ZNF475: variants seen among roughly 807,000 people sequenced by gnomAD.
The protein encoded by ZNF475 is zinc finger protein 475.
chr5:122,164,931 C>G, the ZNF475 span, among the ~76,000 whole-genome samples: 1 of 152,016 alleles, frequency 6.6e-6, no homozygotes, highest in Admixed American at 6.5e-5. Context: ...GAGCTTTGGA[C>G]AAAGCTAAAA....
the ZNF475 span, among the ~76,000 whole-genome samples, chr5:122,181,018 C>T: frequency 6.6e-6 from 1 of 152,082 alleles, no homozygotes; most frequent in Non-Finnish European, 1.5e-5. Context: ...ATCACTTTCT[C>T]TGCTTGACCA....
chr5:122,176,468 TAA>T, the ZNF475 span, among the ~76,000 whole-genome samples: 1 of 152,210 alleles, frequency 6.6e-6, no homozygotes, highest in Non-Finnish European at 1.5e-5. Flanking sequence ...TCTGTATTTA[TAA>T]GTTTTATTTG....
At chr5:122,172,083 A>G in the ZNF475 span, among the ~76,000 whole-genome samples, 3 of 152,154 alleles carry the variant, frequency 2.0e-5, no homozygotes, top group Admixed American at 2.0e-4. Flanking sequence ...CTATGATTTA[A>G]GTGGATTAAT....
chr5:122,176,991 A>G, the ZNF475 span, among the ~76,000 whole-genome samples: 1 of 152,332 alleles, frequency 6.6e-6, no homozygotes, highest in East Asian at 1.9e-4. Flanking sequence ...TAAGAACAAG[A>G]AAACTAAGAA....
chr5:122,179,796 A>G, the ZNF475 span: 1 of 1,164,360 alleles, frequency 8.6e-7, no homozygotes, highest in Non-Finnish European at 1.1e-6. Flanking sequence ...TAATAAGAGC[A>G]GAAGTATTCT....
At chr5:122,173,031 T>G in the ZNF475 span, among the ~76,000 whole-genome samples, 21 of 151,386 alleles carry the variant, frequency 1.4e-4, no homozygotes, top group Admixed American at 1.2e-3. Context: ...AGACTCCGTC[T>G]CAGAAAAAAA....
chr5:122,167,096 T>C, the ZNF475 span, among the ~76,000 whole-genome samples: 1 of 152,130 alleles, frequency 6.6e-6, no homozygotes, highest in Non-Finnish European at 1.5e-5. Flanking sequence ...AATTAATTTT[T>C]GTATAAGGTG....
chr5:122,172,930 G>A, the ZNF475 span, among the ~76,000 whole-genome samples: 1 of 152,074 alleles, frequency 6.6e-6, no homozygotes, highest in Non-Finnish European at 1.5e-5. Flanking sequence ...GTACTCGGGA[G>A]GCTGAGGCAG....
At chr5:122,161,316 A>G in the ZNF475 span, among the ~76,000 whole-genome samples, 1 of 152,220 alleles carries the variant, frequency 6.6e-6, no homozygotes, top group East Asian at 1.9e-4. Flanking sequence ...AAAGTCTCCC[A>G]TGCTGCTCTC....
At chr5:122,169,672 C>G in the ZNF475 span, among the ~76,000 whole-genome samples, 1 of 151,948 alleles carries the variant, frequency 6.6e-6, no homozygotes, top group Non-Finnish European at 1.5e-5. Context: ...AGTCAAGAGG[C>G]GGGGGGTGGA....
At chr5:122,166,674 T>G in the ZNF475 span, among the ~76,000 whole-genome samples, 2 of 152,240 alleles carry the variant, frequency 1.3e-5, no homozygotes, top group Non-Finnish European at 2.9e-5. Flanking sequence ...GAACTCATAC[T>G]TTTTTATGGC....
chr5:122,181,491 T>C, the ZNF475 span, among the ~76,000 whole-genome samples: 1 of 152,198 alleles, frequency 6.6e-6, no homozygotes, highest in Non-Finnish European at 1.5e-5. Context: ...GAAGAAATAC[T>C]AGATTTTGCT....
the ZNF475 span, among the ~76,000 whole-genome samples, chr5:122,175,521 T>C: frequency 1.3e-5 from 2 of 152,206 alleles, no homozygotes; most frequent in Admixed American, 6.5e-5. Context: ...TCTTCCCTAA[T>C]TGAATCATTA....
chr5:122,168,036 G>A, the ZNF475 span, among the ~76,000 whole-genome samples: 48 of 152,148 alleles, frequency 3.2e-4, no homozygotes, highest in East Asian at 1.9e-3. Flanking sequence ...AGTTGCATTC[G>A]TGTTTTGTTT....
the ZNF475 span, among the ~76,000 whole-genome samples, chr5:122,176,018 G>A: frequency 6.6e-6 from 1 of 152,074 alleles, no homozygotes; most frequent in African/African-American, 2.4e-5. Context: ...CACTGGTATG[G>A]AATCCACTGA....
At chr5:122,182,564 T>C in the ZNF475 span, 221 of 1,535,608 alleles carry the variant, frequency 1.4e-4, 1 homozygote, top group Non-Finnish European at 2.0e-5. Context: ...TGGTTCCCTG[T>C]AATGTTTGTG....
the ZNF475 span, among the ~76,000 whole-genome samples, chr5:122,160,829 C>CA: frequency 1.3e-5 from 2 of 152,230 alleles, no homozygotes; most frequent in Non-Finnish European, 2.9e-5. Context: ...AACACACGTA[C>CA]ATCCACATTT....
the ZNF475 span, among the ~76,000 whole-genome samples, chr5:122,177,222 G>C: frequency 6.6e-6 from 1 of 152,194 alleles, no homozygotes; most frequent in Non-Finnish European, 1.5e-5. Context: ...CTGTTCTGCT[G>C]TGGGCAGAGC....
chr5:122,171,370 T>C, the ZNF475 span, among the ~76,000 whole-genome samples: 3 of 152,148 alleles, frequency 2.0e-5, no homozygotes, highest in African/African-American at 7.2e-5. Context: ...CCTTAGTGAG[T>C]ATCATTCCAG....
Sources: gnomAD v4.1 joint callset for allele counts (sites outside exome capture counted in the v4.1 genomes callset) on GRCh38, gnomAD v4.1.1 for gene constraint, MANE v1.5 for transcripts, NCBI Gene and HGNC (gene_info 2026-07-23, HGNC 2026-07-21) for gene names.